SPATA17: variants seen among roughly 807,000 people sequenced by gnomAD.
SPATA17 encodes spermatogenesis associated 17, also known as spermatogenesis-associated protein 17.
Under a neutral mutation model 62.2 loss-of-function variants are expected in SPATA17, and 53 were observed. The ratio of observed to expected loss-of-function variants is 0.85; its 90% CI spans 0.68 to 1.07. SPATA17 has a LOEUF of 1.07. SPATA17 is among the 50% of genes least tolerant of loss of function. SPATA17 has a pLI of 0.00. For synonymous variants in SPATA17, 146 were observed against 146.8 expected, an observed-to-expected ratio of 0.99 and a Z score of 0.04; for missense variants, 466 against 425.5, an observed-to-expected ratio of 1.10 and a Z score of -0.84.
chr1:217,771,010 C>CTTTTTTTTT (rs1673431947), intron 6 of SPATA17, among the ~76,000 whole-genome samples: 2 of 8,316 alleles, frequency 2.4e-4, no homozygotes, highest in African/African-American at 7.7e-4. Context: ...TTTTTTTTTG[C>CTTTTTTTTT]CTTTTGACGA....
chr1:217,671,039 G>T (rs1381946709), intron 4 of SPATA17, among the ~76,000 whole-genome samples: 1 of 149,790 alleles, frequency 6.7e-6, no homozygotes, highest in Non-Finnish European at 1.5e-5. Flanking sequence ...AATTATAAAA[G>T]AAAAAGAAAA....
At chr1:217,763,187 G>T (rs956495363) in intron 6 of SPATA17, among the ~76,000 whole-genome samples, 1 of 152,192 alleles carries the variant, frequency 6.6e-6, no homozygotes, top group African/African-American at 2.4e-5. Flanking sequence ...TGGACTTGGG[G>T]AGATAGACAT....
chr1:217,801,358 G>C (rs1674307237), intron 8 of SPATA17, among the ~76,000 whole-genome samples: 3 of 152,060 alleles, frequency 2.0e-5, no homozygotes, highest in Admixed American at 6.6e-5. Context: ...CTGTCCTTTT[G>C]ATTTAGGGAT....
chr1:217,640,245 G>C (rs1039278185), intron 1 of SPATA17, among the ~76,000 whole-genome samples: 36 of 152,078 alleles, frequency 2.4e-4, no homozygotes, highest in Non-Finnish European at 2.5e-4. Context: ...AGTTTTAAAT[G>C]TTGAATGATA....
At chr1:217,737,689 A>T (rs1243579631) in intron 5 of SPATA17, among the ~76,000 whole-genome samples, 1 of 152,096 alleles carries the variant, frequency 6.6e-6, no homozygotes, top group Non-Finnish European at 1.5e-5. Flanking sequence ...CAGTCAGCAG[A>T]CAGCACTCCT....
Position 217,646,188 on chromosome 1 carries a change from T to G in SPATA17, c.69-2694T>G, listed in dbSNP as rs75186154. ...CCATCCTTCATTTCTGTCTTGAAAT[T>G]TGTGTTTTATCATTCTCATTATAAT... is the stretch of plus-strand genomic sequence containing the variant. On this transcript the variant is annotated intron_variant, in intron 1 of 10. Coordinates refer to ENST00000366933, the MANE Select transcript of SPATA17 (RefSeq NM_138796.4). 3.4e-3 allele frequency among the ~76,000 whole-genome samples: 511 copies of G among 152,304 alleles called. 1 individual carries two copies. Among genetic ancestry groups the G allele is most frequent in the Non-Finnish European group, 5.2e-3 (355 of 68,030 alleles).
chr1:217,674,284 G>A (rs1272389881), intron 4 of SPATA17, among the ~76,000 whole-genome samples: 1 of 152,156 alleles, frequency 6.6e-6, no homozygotes, highest in Non-Finnish European at 1.5e-5. Context: ...AGTGGATTCT[G>A]TTTCTTTGGT....
chr1:217,725,420 T>C (rs550973539), intron 5 of SPATA17, among the ~76,000 whole-genome samples: 1 of 152,322 alleles, frequency 6.6e-6, no homozygotes, highest in South Asian at 2.1e-4. Flanking sequence ...TTTTGAAGCA[T>C]TTTGACATGT....
chr1:217,822,423 T>C (rs370576348), intron 9 of SPATA17, among the ~76,000 whole-genome samples: 2 of 151,448 alleles, frequency 1.3e-5, no homozygotes, highest in Non-Finnish European at 2.9e-5. Flanking sequence ...TTTTTCTTAC[T>C]ATTTTTCTAA....
intron 5 of SPATA17, among the ~76,000 whole-genome samples, chr1:217,699,382 T>G (rs899948455): frequency 1.3e-5 from 2 of 152,206 alleles, no homozygotes; most frequent in African/African-American, 2.4e-5. Flanking sequence ...TTTTTATGTT[T>G]AAAAATTTTA....
chr1:217,738,751 A>T (rs1672567025), intron 5 of SPATA17, among the ~76,000 whole-genome samples: 1 of 152,230 alleles, frequency 6.6e-6, no homozygotes, highest in African/African-American at 2.4e-5. Context: ...CAGGAGTTTG[A>T]GACCAGCCTG....
chr1:217,702,165 A>G (rs941498304), intron 5 of SPATA17, among the ~76,000 whole-genome samples: 3 of 152,008 alleles, frequency 2.0e-5, no homozygotes, highest in Non-Finnish European at 4.4e-5. Context: ...GTGTTCTATA[A>G]TTAAACCTTT....
chr1:217,799,063 A>G (rs1373462648), intron 8 of SPATA17, among the ~76,000 whole-genome samples: 1 of 152,112 alleles, frequency 6.6e-6, no homozygotes, highest in Non-Finnish European at 1.5e-5. Flanking sequence ...GTTAGTAGCT[A>G]TTTATACTTT....
At chr1:217,698,591 A>C (rs991282124) in intron 5 of SPATA17, among the ~76,000 whole-genome samples, 2 of 151,718 alleles carry the variant, frequency 1.3e-5, no homozygotes, top group African/African-American at 2.4e-5. Context: ...AAAAAAAAAA[A>C]AAACAAAGAA....
At chr1:217,808,805 AGATC>A (rs1426993047) in intron 9 of SPATA17, among the ~76,000 whole-genome samples, 1 of 151,530 alleles carries the variant, frequency 6.6e-6, no homozygotes, top group Admixed American at 6.6e-5. Context: ...CAGTGAGCTG[AGATC>A]GCGCCACTGC....
chr1:217,694,829 C>T (rs1671419213), intron 5 of SPATA17, among the ~76,000 whole-genome samples: 1 of 142,290 alleles, frequency 7.0e-6, no homozygotes, highest in Non-Finnish European at 1.5e-5. Context: ...CCCCCACTCT[C>T]TTCTGGCTTG....
intron 9 of SPATA17, among the ~76,000 whole-genome samples, chr1:217,809,500 G>C (rs958280472): frequency 1.3e-5 from 2 of 152,158 alleles, no homozygotes; most frequent in Non-Finnish European, 2.9e-5. Flanking sequence ...GGGCTTTTGT[G>C]CTGTGTCATA....
intron 9 of SPATA17, among the ~76,000 whole-genome samples, chr1:217,832,930 TGAGACCCCGTCTCAAA>T (rs1675176893): frequency 6.6e-6 from 1 of 151,438 alleles, no homozygotes; most frequent in Non-Finnish European, 1.5e-5. Flanking sequence ...TGTAACAGAG[TGAGACCCCGTCTCAAA>T]GAAAAAAAAA....
At position 217,820,682 on chromosome 1, in the gene SPATA17, A is replaced by C. The variant is rs182171370; in HGVS notation, c.1005+18832A>C. ...CATCCAATTAGATATGTCAAATAAA[A>C]TATAGAATAGAATATAACTGAATAT... On this transcript the variant is annotated intron_variant, in intron 9 of 10. Coordinates refer to ENST00000366933, the MANE Select transcript of SPATA17 (RefSeq NM_138796.4). 5.3e-5 allele frequency among the ~76,000 whole-genome samples: 8 copies of C among 152,142 alleles called. No individual in the cohort carries two copies. The Admixed American group carries it at 5.3e-4, about 10-fold the overall frequency.
Sources: gnomAD v4.1 joint callset for allele counts (sites outside exome capture counted in the v4.1 genomes callset) on GRCh38, gnomAD v4.1.1 for gene constraint, MANE v1.5 for transcripts, NCBI Gene and HGNC (gene_info 2026-07-23, HGNC 2026-07-21) for gene names.